Variants in INPP5B observed in about 807,000 individuals in gnomAD.
INPP5B encodes type II inositol 1,4,5-trisphosphate 5-phosphatase.
Under a neutral mutation model 118.5 loss-of-function variants are expected in INPP5B, and 90 were observed. The ratio of observed to expected loss-of-function variants is 0.76; its 90% CI spans 0.64 to 0.90. The LOEUF (loss-of-function observed/expected upper bound fraction) is 0.90. INPP5B is among the 40% of genes least tolerant of loss of function. The probability of loss-of-function intolerance (pLI) is 0.00; values close to 1 mark genes in which losing one functional copy is unlikely to be tolerated. For missense variants in INPP5B, 984 were observed against 1,125.6 expected (o/e 0.87, Z 1.80); for synonymous variants, 385 against 418.9 (o/e 0.92, Z 0.99).
At chr1:37,885,412 T>C (rs1643468959) in intron 13 of INPP5B, 2 of 425,856 alleles carry the variant, frequency 4.7e-6, no homozygotes, top group Non-Finnish European at 8.5e-6. Flanking sequence ...CGACTCCATC[T>C]CGAAAAAAAA....
chr1:37,928,175 CT>C (rs953145584), intron 7 of INPP5B, among the ~76,000 whole-genome samples: 2 of 149,738 alleles, frequency 1.3e-5, no homozygotes, highest in Admixed American at 6.7e-5. Context: ...TCAAAAACAG[CT>C]TTTTTTTTTC....
chr1:37,871,986 C>T (rs368178448), intron 19 of INPP5B, among the ~76,000 whole-genome samples: 1 of 146,972 alleles, frequency 6.8e-6, no homozygotes, highest in East Asian at 2.0e-4. Flanking sequence ...ATCACTTGAG[C>T]CCAGGAGGTG....
At chr1:37,880,843 AGCCTCCCAAGTAGCTGGGACTGCAGCTGT>A (rs1386898459) in intron 14 of INPP5B, among the ~76,000 whole-genome samples, 1 of 152,218 alleles carries the variant, frequency 6.6e-6, no homozygotes, top group Non-Finnish European at 1.5e-5. Flanking sequence ...CTCCTGCCTC[AGCCTCCCAAGTAGCTGGGACTGCAGCTGT>A]GCAACACCAC....
chr1:37,870,299 T>G (rs187712934), intron 19 of INPP5B, among the ~76,000 whole-genome samples: 1 of 152,066 alleles, frequency 6.6e-6, no homozygotes, highest in Non-Finnish European at 1.5e-5. Context: ...TTTGTAGAGA[T>G]GGAGTCTCAT....
At chr1:37,925,287 C>T (rs549425438) in intron 7 of INPP5B, among the ~76,000 whole-genome samples, 1 of 152,232 alleles carries the variant, frequency 6.6e-6, no homozygotes, top group East Asian at 1.9e-4. Flanking sequence ...CTCTTGACAT[C>T]CACTTTGTTT....
At chr1:37,904,877 C>G (rs1279395388) in intron 7 of INPP5B, among the ~76,000 whole-genome samples, 1 of 129,542 alleles carries the variant, frequency 7.7e-6, no homozygotes, top group Admixed American at 7.7e-5. Context: ...AACTCCATCT[C>G]AAAAAAAAAA....
intron 7 of INPP5B, among the ~76,000 whole-genome samples, chr1:37,911,095 A>C (rs1644681099): frequency 6.6e-6 from 1 of 152,192 alleles, no homozygotes; most frequent in South Asian, 2.1e-4. Flanking sequence ...CTTTCTGTCC[A>C]AACAACTTGA....
chr1:37,865,748 T>C lies in INPP5B; in HGVS notation c.2514+13A>G. ...CTGGGGCTAACCACATGCTGCTCAA[T>C]GCTTCCTCTCACCTGTTTGCTTGCT... On this transcript the variant is annotated intron_variant, in intron 22 of 23. Transcript: ENST00000373024. 1 of 1,611,822 alleles carries C rather than the reference T, an allele frequency of 6.2e-7. No individual in the cohort carries two copies.
chr1:37,909,869 G>A (rs936015907), intron 7 of INPP5B, among the ~76,000 whole-genome samples: 7 of 152,140 alleles, frequency 4.6e-5, no homozygotes, highest in South Asian at 2.1e-4. Flanking sequence ...ACTTCAAAAC[G>A]CCTAAACCTC....
At chr1:37,932,951 A>G (rs185281635) in intron 6 of INPP5B, among the ~76,000 whole-genome samples, 59 of 152,278 alleles carry the variant, frequency 3.9e-4, no homozygotes, top group African/African-American at 1.3e-3. Context: ...CTCTGACTCA[A>G]ACCCTCTGAC....
chr1:37,941,958 A>AAATATATATATATAT lies in INPP5B; in HGVS notation c.281-1161_281-1160insATATATATATATATT, dbSNP rs1427344681. ...GTCTCAAAAAAAAAAAAAAAAAAAA[A>AAATATATATATATAT]ATATATATATATATATAAAATAAAA... is the stretch of plus-strand genomic sequence containing the variant. On this transcript the variant is annotated intron_variant, in intron 5 of 23. Transcript: ENST00000373024. 58 of 30,352 alleles carry AAATATATATATATAT rather than the reference A, an allele frequency of 1.9e-3. 1 individual carries two copies. The highest frequency in any genetic ancestry group is 8.5e-3 in the African/African-American group (56 of 6,622). 1.9% of individuals were successfully genotyped at this position (30,352 alleles called of 1,614,324 possible). A position where few individuals can be genotyped will look rare whatever the true frequency, so the allele number is the denominator to read the frequency against.
chr1:37,920,020 A>C (rs1023769381), intron 7 of INPP5B, among the ~76,000 whole-genome samples: 1 of 152,194 alleles, frequency 6.6e-6, no homozygotes, highest in African/African-American at 2.4e-5. Context: ...ATCACTTTAC[A>C]TATATTTTAT....
rs1305021644 is a variant in INPP5B at position 37,931,778 on chromosome 1, A to T, written c.532+135T>A. ...TCCCGCGCGCTCCGCCCCCAGACGA[A>T]CCCGCCCCCGTGTGCCCGCTCCATC... On this transcript the variant is annotated intron_variant, in intron 7 of 23. Transcript: ENST00000373024. 3.1e-6 allele frequency: 5 copies of T among 1,604,888 alleles called. No homozygotes were observed. In the East Asian group the frequency reaches 1.1e-4, roughly 36 times the overall value.
chr1:37,902,990 AAAAAG>A (rs896825540), intron 7 of INPP5B, among the ~76,000 whole-genome samples: 24 of 152,038 alleles, frequency 1.6e-4, no homozygotes, highest in East Asian at 1.2e-3. Context: ...CTCAAAAAAA[AAAAAG>A]AAAAGAAAAG....
chr1:37,928,428 G>A (rs542476389), intron 7 of INPP5B: 61 of 152,398 alleles, frequency 4.0e-4, no homozygotes, highest in Non-Finnish European at 6.7e-4. Context: ...GCGCGATCTC[G>A]GCTAACTGCA....
intron 21 of INPP5B, 53 bp downstream of exon 21, chr1:37,866,406 T>TCTCA (rs748938943): frequency 4.6e-3 from 1,859 of 401,078 alleles, no homozygotes; most frequent in African/African-American, 7.1e-3. Flanking sequence ...TCTCTCTCTC[T>TCTCA]CACACACACA....
At chr1:37,880,857 C>G (rs1264530165) in intron 14 of INPP5B, among the ~76,000 whole-genome samples, 3 of 152,238 alleles carry the variant, frequency 2.0e-5, no homozygotes, top group Non-Finnish European at 4.4e-5. Context: ...TCCCAAGTAG[C>G]TGGGACTGCA....
At position 37,945,927 on chromosome 1, in the gene INPP5B, T is replaced by C. The variant is rs1646095821; in HGVS notation, c.58-77A>G. On this transcript the variant is annotated intron_variant, in intron 2 of 23. Coordinates refer to ENST00000373024, the MANE Select transcript of INPP5B (RefSeq NM_005540.3). ...CCAGGCTGTCCCACCTTCCCTCTGTTCCCCTGCCCCCCCAGATTCACTGTG... is the reference window on the plus strand; with the variant it reads ...CCAGGCTGTCCCACCTTCCCTCTGTCCCCCTGCCCCCCCAGATTCACTGTG... 6.0e-6 allele frequency: 8 copies of C among 1,332,706 alleles called. No individual in the cohort carries two copies. The South Asian group carries it at 9.9e-5, about 16-fold the overall frequency. 82.6% of individuals were successfully genotyped at this position (1,332,706 alleles called of 1,614,324 possible).
At chr1:37,896,784 GT>G (rs1377442294) in intron 7 of INPP5B, among the ~76,000 whole-genome samples, 1 of 137,440 alleles carries the variant, frequency 7.3e-6, no homozygotes, top group Non-Finnish European at 1.6e-5. Flanking sequence ...AGGTGGGGGG[GT>G]CAGCCCCCTG....
Sources: gnomAD v4.1 joint callset for allele counts (sites outside exome capture counted in the v4.1 genomes callset) on GRCh38, gnomAD v4.1.1 for gene constraint, MANE v1.5 for transcripts, NCBI Gene and HGNC (gene_info 2026-07-23, HGNC 2026-07-21) for gene names.